Variants in ERG observed in about 807,000 individuals in gnomAD.
ERG encodes ETS transcription factor ERG.
A neutral mutation model predicts 55.3 loss-of-function variants in ERG; 9 were observed. The observed-to-expected ratio is 0.16, with a 90% CI of 0.10 to 0.28. ERG has a LOEUF of 0.28. Among genes scored for constraint, ERG ranks in the 10% least tolerant of loss-of-function variants. The pLI is 1.00. For synonymous variants in ERG, 223 were observed against 237.3 expected, an observed-to-expected ratio of 0.94 and a Z score of 0.55; for missense variants, 434 against 631.6, an observed-to-expected ratio of 0.69 and a Z score of 3.35.
chr21:38,605,829 A>AC (rs1327030447), intron 1 of ERG, among the ~76,000 whole-genome samples: 10 of 150,066 alleles, frequency 6.7e-5, no homozygotes, highest in African/African-American at 2.5e-4. Flanking sequence ...GCCCAGATAG[A>AC]TGATAGATAG....
At chr21:38,371,058 C>A in the ERG span, among the ~76,000 whole-genome samples, 1 of 151,904 alleles carries the variant, frequency 6.6e-6, no homozygotes, top group African/African-American at 2.4e-5. Flanking sequence ...TGATCCATCA[C>A]TTCATTTGCT....
intron 1 of ERG, among the ~76,000 whole-genome samples, chr21:38,580,941 C>T (rs1338753053): frequency 6.6e-6 from 1 of 152,200 alleles, no homozygotes; most frequent in Non-Finnish European, 1.5e-5. Context: ...CAATTGTGTT[C>T]TGCGGGTTAG....
At chr21:38,373,343 C>G in the ERG span, among the ~76,000 whole-genome samples, 1 of 152,192 alleles carries the variant, frequency 6.6e-6, no homozygotes, top group Non-Finnish European at 1.5e-5. Context: ...TCCCCAAGAA[C>G]TTTGAGAAGT....
intron 1 of ERG, among the ~76,000 whole-genome samples, chr21:38,624,655 G>C (rs545773401): frequency 6.6e-6 from 1 of 152,072 alleles, no homozygotes; most frequent in Admixed American, 6.6e-5. Flanking sequence ...TCTCAGCACC[G>C]CTCACTGGCT....
At chr21:38,560,223 C>A (rs1490062455) in intron 2 of ERG, among the ~76,000 whole-genome samples, 1 of 152,194 alleles carries the variant, frequency 6.6e-6, no homozygotes, top group Non-Finnish European at 1.5e-5. Flanking sequence ...CAAATGATAA[C>A]CCTGCTGGAG....
chr21:38,629,113 C>T (rs2060342188), intron 1 of ERG, among the ~76,000 whole-genome samples: 1 of 152,338 alleles, frequency 6.6e-6, no homozygotes, highest in African/African-American at 2.4e-5. Context: ...CAAGGGAACA[C>T]AGGCTCCCAG....
At chr21:38,436,025 T>C (rs1180344539) in intron 2 of ERG, among the ~76,000 whole-genome samples, 2 of 150,250 alleles carry the variant, frequency 1.3e-5, no homozygotes, top group Non-Finnish European at 3.0e-5. Flanking sequence ...TTTTTCTTTT[T>C]TTTTTTTTTT....
chr21:38,483,450 T>C (rs768321164), intron 1 of ERG, among the ~76,000 whole-genome samples: 17 of 152,228 alleles, frequency 1.1e-4, no homozygotes, highest in Non-Finnish European at 2.2e-4. Context: ...CAAAAAGTCA[T>C]AGTTCAAACC....
intron 1 of ERG, among the ~76,000 whole-genome samples, chr21:38,467,082 C>T (rs942669531): frequency 5.9e-5 from 9 of 152,124 alleles, no homozygotes; most frequent in African/African-American, 2.2e-4. Flanking sequence ...AATCAGAATC[C>T]AATCTCGGCC....
At chr21:38,375,323 T>TG (rs562985052), downstream of ERG, among the ~76,000 whole-genome samples, 10 of 152,310 alleles carry the variant, frequency 6.6e-5, no homozygotes, top group African/African-American at 2.2e-4. Flanking sequence ...GCTCCTAGGA[T>TG]GGGGAACCAC....
rs552350120 is a variant in ERG at position 38,468,857 on chromosome 21, C to T, written c.19-23236G>A. ...AAAATTAGCCGGGCGTGGTGGTGGG[C>T]GCCTGTAGTCCCAGCTACTAGGGAG... On this transcript the variant is annotated intron_variant, in intron 1 of 9. Transcript: ENST00000288319. 6.5e-4 allele frequency among the ~76,000 whole-genome samples: 98 copies of T among 151,654 alleles called. 1 individual carries two copies. Among genetic ancestry groups the T allele is most frequent in the Non-Finnish European group, 5.0e-4 (34 of 67,870 alleles).
intron 1 of ERG, among the ~76,000 whole-genome samples, chr21:38,584,210 C>T (rs1208427807): frequency 1.3e-5 from 2 of 152,204 alleles, no homozygotes; most frequent in Non-Finnish European, 2.9e-5. Context: ...CATGTGAGCA[C>T]CCCCATAACC....
intron 1 of ERG, among the ~76,000 whole-genome samples, chr21:38,598,793 G>A (rs1324358099): frequency 6.6e-6 from 1 of 152,204 alleles, no homozygotes; most frequent in Non-Finnish European, 1.5e-5. Flanking sequence ...TTTCTGCACA[G>A]TATAAATCCT....
chr21:38,374,158 C>T, the ERG span, among the ~76,000 whole-genome samples: 1 of 152,206 alleles, frequency 6.6e-6, no homozygotes, highest in African/African-American at 2.4e-5. Context: ...ATTTTTCGCT[C>T]TCTTGTGCTC....
chr21:38,594,666 A>G (rs547284087), intron 1 of ERG, among the ~76,000 whole-genome samples: 1 of 152,212 alleles, frequency 6.6e-6, no homozygotes, highest in Non-Finnish European at 1.5e-5. Context: ...AAAATAGGGC[A>G]TTTCAGCCTT....
At chr21:38,377,201 ATTGT>A (rs1351814869), downstream of ERG, among the ~76,000 whole-genome samples, 3 of 152,254 alleles carry the variant, frequency 2.0e-5, no homozygotes, top group African/African-American at 7.2e-5. Flanking sequence ...GTGTATGCAC[ATTGT>A]TTGGCACTAA....
chr21:38,429,580 T>C (rs56065320), intron 2 of ERG, among the ~76,000 whole-genome samples: 567 of 22,008 alleles, frequency 0.026, 91 homozygotes, highest in Admixed American at 0.042. Context: ...TGTACATATA[T>C]ACATATGTGT....
chr21:38,558,254 C>T (rs781022596), intron 2 of ERG, among the ~76,000 whole-genome samples: 1 of 152,104 alleles, frequency 6.6e-6, no homozygotes, highest in Non-Finnish European at 1.5e-5. Flanking sequence ...AGAAAGGGGA[C>T]CAACCACACC....
chr21:38,539,810 G>A (rs760124913), intron 2 of ERG, among the ~76,000 whole-genome samples: 3 of 151,954 alleles, frequency 2.0e-5, no homozygotes, highest in Non-Finnish European at 4.4e-5. Flanking sequence ...TCTGACCCCA[G>A]GTTGGCGTCT....
Sources: allele counts gnomAD v4.1 joint callset (sites outside exome capture counted in the v4.1 genomes callset), GRCh38; gene constraint gnomAD v4.1.1; transcripts MANE v1.5; gene names NCBI Gene and HGNC (gene_info 2026-07-23, HGNC 2026-07-21).